SORT1: variants seen among roughly 807,000 people sequenced by gnomAD.
The protein encoded by SORT1 is sortilin.
In SORT1, 39 loss-of-function variants were observed where a neutral mutation model predicts 101.7. The observed-to-expected ratio is 0.38, with a 90% CI of 0.30 to 0.50. The LOEUF is 0.50. SORT1 is among the 20% of genes least tolerant of loss of function. The pLI is 0.90. For synonymous variants in SORT1, 396 were observed against 393.7 expected, an observed-to-expected ratio of 1.01 and a Z score of -0.07; for missense variants, 878 against 1,040.4, an observed-to-expected ratio of 0.84 and a Z score of 2.15.
At chr1:109,318,096 A>C in intron 15 of SORT1, 127 bp from the exon 16 acceptor site, 1 of 609,834 alleles carries the variant, frequency 1.6e-6, no homozygotes. Flanking sequence ...AAAGTAGCTC[A>C]GGAAGTCCTG....
chr1:109,335,664 CT>C (rs1386973043), intron 11 of SORT1, among the ~76,000 whole-genome samples: 1 of 151,866 alleles, frequency 6.6e-6, no homozygotes, highest in South Asian at 2.1e-4. Flanking sequence ...TTTTTTTTCC[CT>C]TTTTTCCTTG....
rs72646554 is a variant in SORT1 at position 109,369,691 on chromosome 1, T to C, written c.307-102A>G. On this transcript the variant is annotated intron_variant, in intron 1 of 19. Transcript: ENST00000256637. ...TTTATTACTGTTCAGAGTAATTAAG[T>C]TCATAATTACAAAGTGGGTATGGAT... 2.4e-4 allele frequency: 196 copies of C among 804,920 alleles called. No homozygotes were observed. The African/African-American group carries it at 3.0e-3, about 12-fold the overall frequency. 49.9% of individuals were successfully genotyped at this position (804,920 alleles called of 1,614,324 possible).
chr1:109,340,789 C>T lies in SORT1; in HGVS notation c.1199G>A (p.Gly400Glu). 6.8e-6 allele frequency: 11 copies of T among 1,614,084 alleles called. No individual in the cohort carries two copies. The highest frequency in any genetic ancestry group is 9.3e-6 in the Non-Finnish European group (11 of 1,179,966). Residue 400 changes from glycine to glutamate, a missense_variant, in exon 10 of 20, where the codon GGA becomes GAA. By Grantham distance (98) the Gly-to-Glu change is moderately conservative. Around this residue, in one of 2 missense-constraint regions of SORT1, gnomAD observed 684 missense variants for 894.5 expected, o/e 0.76. Coordinates refer to ENST00000256637, the MANE Select transcript of SORT1 (RefSeq NM_002959.7). ...GGTCACGTTGGTAAAGTCCGTCTCT[C>T]CGCCTGTGGTAGTGTAGAGATGTCG... ...LDRHLYTTTG[G>E]ETDFTNVTSL...
At chr1:109,314,438 T>C in intron 18 of SORT1, 54 bp from the exon 19 acceptor site, 1 of 1,595,926 alleles carries the variant, frequency 6.3e-7, no homozygotes. Flanking sequence ...GGTGCACTTC[T>C]TACAGGACTG....
chr1:109,330,704 T>TA (rs1271638989), intron 11 of SORT1, among the ~76,000 whole-genome samples: 1 of 150,028 alleles, frequency 6.7e-6, no homozygotes, highest in African/African-American at 2.4e-5. Context: ...TTTGACAAGA[T>TA]AAAAAAGTGA....
intron 11 of SORT1, among the ~76,000 whole-genome samples, chr1:109,333,324 G>C (rs1437379127): frequency 6.6e-6 from 1 of 152,076 alleles, no homozygotes; most frequent in Admixed American, 6.5e-5. Context: ...AGGAAATATA[G>C]GGAAAAAAGC....
At chr1:109,396,234 G>A (rs1252005206) in intron 1 of SORT1, among the ~76,000 whole-genome samples, 2 of 152,160 alleles carry the variant, frequency 1.3e-5, no homozygotes, top group African/African-American at 2.4e-5. Context: ...AGTAGCAGCA[G>A]ACCTAAAGTT....
At position 109,317,949 on chromosome 1, in the gene SORT1, G is replaced by C; in HGVS notation, c.2045C>G (p.Pro682Arg). 1 of 1,613,476 alleles carries C rather than the reference G, an allele frequency of 6.2e-7. No homozygotes were observed. Among genetic ancestry groups the C allele is most frequent in the Non-Finnish European group, 8.5e-7 (1 of 1,179,384 alleles). The change falls in exon 16 of 20, where the codon CCA (proline) becomes CGA (arginine). Residue 682 changes from proline to arginine, a missense_variant. This residue lies in a region of SORT1 where 684 missense variants were observed against 894.5 expected (regional missense o/e 0.76). Transcript: ENST00000256637. ...TTCCACACACTTGGAGTCATTTTCT[G>C]GACGGTAGTAGCCAAAATCACTGCA... ...DFLCDFGYYR[P>R]ENDSKCVEQP... is the part of the protein sequence containing the mutation.
At chr1:109,318,829 A>G (rs1425752758) in intron 15 of SORT1, among the ~76,000 whole-genome samples, 1 of 152,004 alleles carries the variant, frequency 6.6e-6, no homozygotes, top group East Asian at 1.9e-4. Flanking sequence ...ATTCTTTGTA[A>G]AGATGAGGTC....
At chr1:109,387,754 C>T (rs755346120) in intron 1 of SORT1, among the ~76,000 whole-genome samples, 6 of 152,068 alleles carry the variant, frequency 3.9e-5, no homozygotes, top group Non-Finnish European at 8.8e-5. Context: ...AGTTTAAGAC[C>T]AGCCTGGCCA....
At chr1:109,380,112 C>T (rs1322050227) in intron 1 of SORT1, among the ~76,000 whole-genome samples, 1 of 151,716 alleles carries the variant, frequency 6.6e-6, no homozygotes, top group Non-Finnish European at 1.5e-5. Flanking sequence ...CCTGTCTCTA[C>T]CAAAAAAGAA....
rs767507562 is a variant in SORT1, at chr1:109,311,494, C to T, written c.*2549G>A. Reference sequence around the variant, plus strand: ...CAGGTTGATAAAGAAAGCTAACTAGCCAATAATGAGAATGAGCCAGGCTGG... The same window carrying T: ...CAGGTTGATAAAGAAAGCTAACTAGTCAATAATGAGAATGAGCCAGGCTGG... On this transcript the variant is annotated 3_prime_UTR_variant, in exon 20 of 20. Transcript: ENST00000256637. The T allele has an allele frequency of 1.3e-5, 2 of 152,188 alleles. No individual in the cohort carries two copies. The highest frequency in any genetic ancestry group is 6.5e-5 in the Admixed American group (1 of 15,282). 9.4% of individuals were successfully genotyped at this position (152,188 alleles called of 1,614,324 possible). A position where few individuals can be genotyped will look rare whatever the true frequency, so the allele number is the denominator to read the frequency against.
intron 6 of SORT1, among the ~76,000 whole-genome samples, chr1:109,349,825 T>C (rs770719928): frequency 2.6e-5 from 4 of 152,332 alleles, no homozygotes; most frequent in Middle Eastern, 3.4e-3. Context: ...ATATATTTAA[T>C]ATTTTAATCA....
chr1:109,325,805 T>C (rs1026861900), intron 13 of SORT1, among the ~76,000 whole-genome samples: 3 of 151,668 alleles, frequency 2.0e-5, no homozygotes, highest in Admixed American at 2.0e-4. Flanking sequence ...CAAAACCCCG[T>C]CTCTACCAAA....
At position 109,310,911 on chromosome 1, in the gene SORT1, T is replaced by C. The variant is rs1347835379; in HGVS notation, c.*3132A>G. The C allele has an allele frequency of 6.6e-6, 1 of 152,124 alleles. No individual in the cohort carries two copies. Among genetic ancestry groups the C allele is most frequent in the African/African-American group, 2.4e-5 (1 of 41,392 alleles). 9.4% of individuals were successfully genotyped at this position (152,124 alleles called of 1,614,324 possible). ...GGAGGTGGCCAGCACATTACCAGCC[T>C]GTCAAGGATGAAAGACCACCTTGGG... On this transcript the variant is annotated 3_prime_UTR_variant, in exon 20 of 20. Transcript: ENST00000256637.
intron 3 of SORT1, among the ~76,000 whole-genome samples, chr1:109,361,324 A>G (rs1225000362): frequency 6.6e-6 from 1 of 152,226 alleles, no homozygotes; most frequent in African/African-American, 2.4e-5. Context: ...GCCACTTTAT[A>G]ACAAGGATTG....
In SORT1 at chr1:109,397,793, G is replaced by T; in HGVS notation, c.100C>A (p.Gln34Lys). ...LQLLPPSTLS[Q>K]DRLDAPPPPA... is the part of the protein sequence containing the mutation. ...GGCGGCGGCGCGTCCAGCCGGTCCT[G>T]GCTGAGGGTCGACGGCGGCAGCAGC... Residue 34 changes from glutamine to lysine, a missense_variant, in exon 1 of 20, where the codon CAG (glutamine) becomes AAG (lysine). Transcript: ENST00000256637. 1.6e-6 allele frequency: 2 copies of T among 1,262,844 alleles called. No individual in the cohort carries two copies. The highest frequency in any genetic ancestry group is 2.0e-5 in the South Asian group (1 of 50,062). The allele number at this position is 1,262,844 out of a possible 1,614,324, so 78.2% of individuals were successfully genotyped here. A position where few individuals can be genotyped will look rare whatever the true frequency, so the allele number is the denominator to read the frequency against.
intron 1 of SORT1, among the ~76,000 whole-genome samples, chr1:109,369,924 C>T (rs1224615716): frequency 6.6e-6 from 1 of 152,128 alleles, no homozygotes; most frequent in Non-Finnish European, 1.5e-5. Flanking sequence ...TTTTAGGATG[C>T]TTTAAAACAA....
chr1:109,314,051 A>C lies in SORT1; in HGVS notation c.2488T>G (p.Leu830Val), dbSNP rs1285814096. 6.2e-7 allele frequency: 1 copy of C among 1,614,062 alleles called. No homozygotes were observed. Among genetic ancestry groups the C allele is most frequent in the East Asian group, 2.2e-5 (1 of 44,886 alleles). ...CCAGCTCCTCTGAAGAGCTATTCCA[A>C]GAGGTCCTGAAAAAGACATGCACCA... is the stretch of plus-strand genomic sequence containing the variant. ...GYHDDSDEDL[L>V]E is the part of the protein sequence containing the mutation. Residue 830 changes from leucine (L) to valine (V), a missense_variant, in exon 20 of 20, where the codon TTG becomes GTG. This residue lies in a region of SORT1 where 684 missense variants were observed against 894.5 expected (regional missense o/e 0.76). Coordinates refer to ENST00000256637, the MANE Select transcript of SORT1 (RefSeq NM_002959.7).
Sources: gnomAD v4.1 joint callset for allele counts (sites outside exome capture counted in the v4.1 genomes callset) on GRCh38, gnomAD v4.1.1 for gene constraint, gnomAD v4.1.1 regional missense constraint, MANE v1.5 for transcripts, NCBI Gene and HGNC (gene_info 2026-07-23, HGNC 2026-07-21) for gene names.